Variants in CAST observed in about 807,000 individuals in gnomAD.
CAST encodes MIR583 host.
A neutral mutation model predicts 119.6 loss-of-function variants in CAST; 76 were observed. The observed-to-expected ratio is 0.64, with a 90% confidence interval of 0.53 to 0.77. The LOEUF (loss-of-function observed/expected upper bound fraction) is 0.77. CAST is among the 30% of genes least tolerant of loss of function. The pLI is 0.00. For synonymous variants in CAST, 319 were observed against 331.6 expected (o/e 0.96, Z 0.41); for missense variants, 953 against 946.5 (o/e 1.01, Z -0.09).
intron 1 of CAST, among the ~76,000 whole-genome samples, chr5:96,572,478 G>C (rs1029351171): frequency 6.6e-6 from 1 of 151,890 alleles, no homozygotes; most frequent in African/African-American, 2.4e-5. Context: ...TGAGATTACA[G>C]GTGTGAGCCA....
the CAST span, among the ~76,000 whole-genome samples, chr5:96,343,428 T>C: frequency 3.3e-5 from 5 of 152,204 alleles, no homozygotes. Flanking sequence ...GCTACCTTTT[T>C]AGGGGGTTGA....
the CAST span, among the ~76,000 whole-genome samples, chr5:96,268,018 A>C: frequency 6.6e-6 from 1 of 152,174 alleles, no homozygotes; most frequent in Non-Finnish European, 1.5e-5. Flanking sequence ...AAAATAACTT[A>C]TTATATCTAT....
At chr5:96,092,704 A>G in the CAST span, among the ~76,000 whole-genome samples, 1 of 152,246 alleles carries the variant, frequency 6.6e-6, no homozygotes, top group Non-Finnish European at 1.5e-5. Flanking sequence ...TATTGTGATT[A>G]TAAAGGGAAG....
the CAST span, among the ~76,000 whole-genome samples, chr5:96,486,468 C>T: frequency 6.6e-6 from 1 of 152,126 alleles, no homozygotes; most frequent in Non-Finnish European, 1.5e-5. Context: ...TCATTGTCTA[C>T]CTTAATGAGC....
chr5:96,433,066 G>A, the CAST span: 5 of 1,609,898 alleles, frequency 3.1e-6, no homozygotes, highest in South Asian at 1.1e-5. Flanking sequence ...GCTTGAACAA[G>A]AGTGGGAAGG....
chr5:96,424,152 A>G, the CAST span, among the ~76,000 whole-genome samples: 3 of 152,226 alleles, frequency 2.0e-5, no homozygotes, highest in African/African-American at 7.2e-5. Flanking sequence ...AGACAGAGAC[A>G]GTAAAAGAAT....
intron 1 of CAST, among the ~76,000 whole-genome samples, chr5:96,623,263 T>G (rs1295480487): frequency 3.3e-5 from 5 of 152,178 alleles, no homozygotes; most frequent in African/African-American, 1.2e-4. Context: ...AATGGCATTT[T>G]TTTTTCCATG....
chr5:96,651,502 G>A (rs1748094226), intron 1 of CAST, among the ~76,000 whole-genome samples: 1 of 152,154 alleles, frequency 6.6e-6, no homozygotes, highest in South Asian at 2.1e-4. Flanking sequence ...TTCTTATCCT[G>A]TCTCTACTGT....
chr5:96,079,089 T>TAA, the CAST span: 11 of 382,516 alleles, frequency 2.9e-5, no homozygotes, highest in South Asian at 1.8e-4. Context: ...CACTTAAAGT[T>TAA]AAAAAAAAAC....
chr5:96,318,163 A>G, the CAST span, among the ~76,000 whole-genome samples: 71 of 152,288 alleles, frequency 4.7e-4, no homozygotes, highest in South Asian at 5.4e-3. Flanking sequence ...ACGCTGATTC[A>G]TTTTCTTGCC....
At position 96,737,961 on chromosome 5, in the gene CAST, A is replaced by G. The variant is rs755343993; in HGVS notation, c.798+14A>G. On this transcript the variant is annotated intron_variant, in intron 11 of 31. Transcript: ENST00000675179. ...CCAGAAGTTTCAGTATGTGATCATGATATCTGTAAAAATTCATACTCAGTG... is the reference window on the plus strand; with the variant it reads ...CCAGAAGTTTCAGTATGTGATCATGGTATCTGTAAAAATTCATACTCAGTG... 4 of 1,435,322 alleles carry G rather than the reference A, an allele frequency of 2.8e-6. No individual in the cohort carries two copies. The highest frequency in any genetic ancestry group is 1.2e-5 in the South Asian group (1 of 86,784). 88.9% of individuals were successfully genotyped at this position (1,435,322 alleles called of 1,614,324 possible).
At chr5:96,092,555 C>G in the CAST span, among the ~76,000 whole-genome samples, 1 of 152,142 alleles carries the variant, frequency 6.6e-6, no homozygotes, top group Non-Finnish European at 1.5e-5. Flanking sequence ...TGGGCCATTA[C>G]TGAGTTGGTT....
chr5:96,609,209 A>G (rs1307489983), intron 1 of CAST, among the ~76,000 whole-genome samples: 1 of 152,220 alleles, frequency 6.6e-6, no homozygotes, highest in African/African-American at 2.4e-5. Flanking sequence ...ATAGTTTACT[A>G]TAGTACATGT....
chr5:96,066,647 T>C, the CAST span, among the ~76,000 whole-genome samples: 1 of 152,066 alleles, frequency 6.6e-6, no homozygotes. Flanking sequence ...TTATTTGTTT[T>C]TTTAAATTTT....
intron 1 of CAST, among the ~76,000 whole-genome samples, chr5:96,674,973 A>G (rs1750529660): frequency 6.6e-6 from 1 of 152,254 alleles, no homozygotes; most frequent in Admixed American, 6.5e-5. Flanking sequence ...CACTTTTAAA[A>G]ATTGTATTTA....
the CAST span, among the ~76,000 whole-genome samples, chr5:96,502,597 G>T: frequency 6.7e-6 from 1 of 148,736 alleles, no homozygotes; most frequent in Non-Finnish European, 1.5e-5. Context: ...AGATAATCAA[G>T]GTTAGCAAGT....
At chr5:96,394,362 C>T in the CAST span, among the ~76,000 whole-genome samples, 4 of 152,284 alleles carry the variant, frequency 2.6e-5, no homozygotes, top group South Asian at 2.1e-4. Flanking sequence ...TGTGATCTAT[C>T]GCTCCCCTTG....
the CAST span, among the ~76,000 whole-genome samples, chr5:96,327,156 T>G: frequency 1.3e-5 from 2 of 152,238 alleles, no homozygotes; most frequent in African/African-American, 4.8e-5. Context: ...GTTTCACATT[T>G]GTCATCTGTA....
At chr5:96,362,498 G>T in the CAST span, among the ~76,000 whole-genome samples, 7 of 152,126 alleles carry the variant, frequency 4.6e-5, no homozygotes, top group Non-Finnish European at 7.4e-5. Context: ...AGCACCTGTT[G>T]TTTCCTGACT....
Sources: gnomAD v4.1 joint callset for allele counts (sites outside exome capture counted in the v4.1 genomes callset) on GRCh38, gnomAD v4.1.1 for gene constraint, MANE v1.5 for transcripts, NCBI Gene and HGNC (gene_info 2026-07-23, HGNC 2026-07-21) for gene names.